Variants in COG6 observed in about 807,000 individuals in gnomAD.
COG6 encodes conserved oligomeric Golgi complex subunit 6.
In COG6, 74 loss-of-function variants were observed where a neutral mutation model predicts 88.8. That is an observed-to-expected ratio of 0.83 (90% CI 0.69 to 1.01). The LOEUF (loss-of-function observed/expected upper bound fraction) is 1.01. Among genes scored for constraint, COG6 ranks in the 50% least tolerant of loss-of-function variants. The pLI is 0.00. For missense variants in COG6, 800 were observed against 797.9 expected, an observed-to-expected ratio of 1.00 and a Z score of -0.03; for synonymous variants, 286 against 278.7, an observed-to-expected ratio of 1.03 and a Z score of -0.26.
intron 15 of COG6, among the ~76,000 whole-genome samples, chr13:39,722,524 T>C (rs1419269150): frequency 1.3e-5 from 2 of 150,894 alleles, no homozygotes; most frequent in African/African-American, 4.9e-5. Flanking sequence ...GTTGACAGTG[T>C]ACTATGTCAT....
At chr13:39,712,494 T>C (rs1181592780) in intron 13 of COG6, among the ~76,000 whole-genome samples, 1 of 152,176 alleles carries the variant, frequency 6.6e-6, no homozygotes, top group Non-Finnish European at 1.5e-5. Flanking sequence ...GGAACATAAA[T>C]TGAATGTAAG....
chr13:39,750,960 A>G lies in COG6; in HGVS notation c.1841A>G (p.Lys614Arg). The change falls in exon 19 of 19, where the codon AAA (lysine) becomes AGA (arginine). Residue 614 changes from lysine to arginine, a missense_variant. By Grantham distance (26) the Lys-to-Arg change is conservative. Transcript: ENST00000455146. ...CTTATCAATAGAGAGCAGATCGTAA[A>G]ACAATCTACAGAATTAGTCTGCAGA... ...LSATVKEQIV[K>R]QSTELVCRAY... 2.5e-6 allele frequency: 4 copies of G among 1,613,244 alleles called. No homozygotes were observed. Among genetic ancestry groups the G allele is most frequent in the Non-Finnish European group, 3.4e-6 (4 of 1,179,424 alleles).
intron 1 of COG6, chr13:39,656,111 GA>G: frequency 3.0e-6 from 2 of 673,266 alleles, no homozygotes; most frequent in South Asian, 1.5e-5. Flanking sequence ...CTCTCCACCT[GA>G]AAAGGTGCCT....
At chr13:39,733,923 A>T (rs1879594732) in intron 18 of COG6, among the ~76,000 whole-genome samples, 1 of 152,114 alleles carries the variant, frequency 6.6e-6, no homozygotes, top group African/African-American at 2.4e-5. Context: ...AGTTGCTCAT[A>T]GTAGCCTATA....
downstream of COG6, among the ~76,000 whole-genome samples, chr13:39,754,523 T>A (rs573166554): frequency 1.3e-5 from 2 of 152,320 alleles, no homozygotes; most frequent in South Asian, 2.1e-4. Context: ...AGGTTGTTAG[T>A]ACTCTTAAAT....
intron 4 of COG6, among the ~76,000 whole-genome samples, chr13:39,667,513 T>C (rs1875348632): frequency 1.3e-5 from 2 of 152,204 alleles, no homozygotes; most frequent in Admixed American, 6.5e-5. Context: ...GCTGGATAAA[T>C]GATCATATCC....
intron 18 of COG6, among the ~76,000 whole-genome samples, chr13:39,766,725 A>G (rs1881177064): frequency 6.6e-6 from 1 of 152,230 alleles, no homozygotes. Flanking sequence ...AAGCTCCCAC[A>G]GAAGAAGCAG....
At chr13:39,733,731 A>G (rs975093422) in intron 18 of COG6, among the ~76,000 whole-genome samples, 2 of 151,936 alleles carry the variant, frequency 1.3e-5, no homozygotes, top group African/African-American at 4.8e-5. Flanking sequence ...TTCTTCCTTA[A>G]TTATTTGGTA....
At chr13:39,760,513 G>A (rs756870398) in intron 18 of COG6, among the ~76,000 whole-genome samples, 1 of 152,056 alleles carries the variant, frequency 6.6e-6, no homozygotes, top group Non-Finnish European at 1.5e-5. Flanking sequence ...ACATCTCAAT[G>A]TACCCTGCCT....
intron 18 of COG6, among the ~76,000 whole-genome samples, chr13:39,741,221 C>T (rs945427101): frequency 4.6e-5 from 7 of 152,108 alleles, no homozygotes; most frequent in Non-Finnish European, 8.8e-5. Context: ...CACAGCTCCT[C>T]GCCAGCAATG....
intron 13 of COG6, among the ~76,000 whole-genome samples, chr13:39,710,949 C>T (rs4326926): frequency 1 from 151,561 of 152,088 alleles, 75,522 homozygotes; most frequent in Non-Finnish European, 1. Context: ...TATAAAACAG[C>T]ATATCTAATT....
At chr13:39,756,199 T>C (rs1880829087), downstream of COG6, among the ~76,000 whole-genome samples, 1 of 152,258 alleles carries the variant, frequency 6.6e-6, no homozygotes, top group East Asian at 1.9e-4. Flanking sequence ...AGTTACACTT[T>C]ATAAAAATTA....
intron 18 of COG6, among the ~76,000 whole-genome samples, chr13:39,732,119 A>G (rs4288869): frequency 0.49 from 75,193 of 152,008 alleles, 19,124 homozygotes; most frequent in South Asian, 0.69. Flanking sequence ...TTACATGCCA[A>G]TCTCCTGTGG....
chr13:39,790,164 G>T (rs375802078), exon 19 of COG6: 1 of 152,168 alleles, frequency 6.6e-6, no homozygotes, highest in Non-Finnish European at 1.5e-5. Flanking sequence ...CTGCAGTCCA[G>T]CTATCTGGGT....
chr13:39,708,267 T>G (rs996451322), intron 13 of COG6, among the ~76,000 whole-genome samples: 1 of 152,230 alleles, frequency 6.6e-6, no homozygotes, highest in African/African-American at 2.4e-5. Context: ...TTCAAACATG[T>G]GTTTGGATAC....
chr13:39,684,252 T>TTTTTTTTTTTTTTTTTTC, intron 8 of COG6, among the ~76,000 whole-genome samples: 1 of 89,636 alleles, frequency 1.1e-5, no homozygotes, highest in African/African-American at 3.9e-5. Context: ...GATTTTTTTT[T>TTTTTTTTTTTTTTTTTTC]TTTTTTTTTT....
chr13:39,728,465 G>A (rs1288007254), intron 18 of COG6, among the ~76,000 whole-genome samples: 1 of 129,178 alleles, frequency 7.7e-6, no homozygotes, highest in African/African-American at 2.8e-5. Flanking sequence ...GGAAATCTAT[G>A]GACCACTTTT....
chr13:39,788,641 C>T (rs1428585471), exon 19 of COG6: 5 of 425,314 alleles, frequency 1.2e-5, no homozygotes, highest in African/African-American at 2.0e-5. Flanking sequence ...ATGCAAAGCA[C>T]TAAAATGGTG....
At chr13:39,680,760 C>A (rs1163104366) in intron 7 of COG6, among the ~76,000 whole-genome samples, 1 of 152,172 alleles carries the variant, frequency 6.6e-6, no homozygotes, top group Non-Finnish European at 1.5e-5. Context: ...ATCTTCCAAG[C>A]CAGCAATGTC....
Sources: gnomAD v4.1 joint callset for allele counts (sites outside exome capture counted in the v4.1 genomes callset) on GRCh38, gnomAD v4.1.1 for gene constraint, MANE v1.5 for transcripts, NCBI Gene and HGNC (gene_info 2026-07-23, HGNC 2026-07-21) for gene names.